Variants in ROBO1 observed in about 807,000 individuals in gnomAD.
ROBO1 encodes the protein roundabout guidance receptor 1, also known as roundabout homolog 1.
ROBO1 carries 149 observed loss-of-function variants against 195.9 expected under a neutral mutation model. That is an observed-to-expected ratio of 0.76 (90% CI 0.67 to 0.87). The LOEUF (loss-of-function observed/expected upper bound fraction) is 0.87. ROBO1 is among the 40% of genes least tolerant of loss of function. The pLI is 0.00. For missense variants in ROBO1, 1,933 were observed against 2,068.3 expected, an observed-to-expected ratio of 0.93 and a Z score of 1.27; for synonymous variants, 816 against 733.2, an observed-to-expected ratio of 1.11 and a Z score of -1.82.
At chr3:79,237,813 C>A (rs2082440612) in intron 2 of ROBO1, among the ~76,000 whole-genome samples, 1 of 152,092 alleles carries the variant, frequency 6.6e-6, no homozygotes, top group African/African-American at 2.4e-5. Context: ...AGCCAAAGCT[C>A]TTGGATCCAA....
intron 3 of ROBO1, among the ~76,000 whole-genome samples, chr3:78,979,368 C>A (rs940286664): frequency 1.3e-5 from 2 of 152,156 alleles, no homozygotes; most frequent in Non-Finnish European, 2.9e-5. Context: ...GCTCTTCCTG[C>A]CGTTACAACC....
At chr3:79,308,942 AG>A (rs1275313144) in intron 2 of ROBO1, among the ~76,000 whole-genome samples, 1 of 152,196 alleles carries the variant, frequency 6.6e-6, no homozygotes, top group Admixed American at 6.5e-5. Flanking sequence ...CATTTTAGAG[AG>A]GAACAATGTT....
In ROBO1 at chr3:79,522,123, C is replaced by T. The variant is rs114217486; in HGVS notation, c.88+67701G>A. Among the ~76,000 whole-genome samples the T allele has an allele frequency of 4.0e-3, 607 of 152,146 alleles. 2 individuals are homozygous for T. Among genetic ancestry groups the T allele is most frequent in the African/African-American group, 0.014 (576 of 41,518 alleles). ...TTAGTGTATCTGTGGCTGTGCAACT[C>T]CAAAGAAATCATATTTGATAATTGT... On this transcript the variant is annotated intron_variant, in intron 2 of 30. Coordinates refer to ENST00000464233, the MANE Select transcript of ROBO1 (RefSeq NM_002941.4).
At chr3:78,606,580 C>G (rs184056771) in intron 29 of ROBO1, among the ~76,000 whole-genome samples, 153 bp downstream of exon 29, 1 of 152,260 alleles carries the variant, frequency 6.6e-6, no homozygotes, top group African/African-American at 2.4e-5. Flanking sequence ...CTGGAGTGAA[C>G]TGTATTAAAA....
At chr3:79,323,057 A>T (rs569035577) in intron 2 of ROBO1, among the ~76,000 whole-genome samples, 182 of 150,558 alleles carry the variant, frequency 1.2e-3, no homozygotes, top group Middle Eastern at 3.5e-3. Flanking sequence ...AAATGCTTAC[A>T]TGCTTCAAAT....
chr3:78,833,336 C>T (rs541659382), intron 4 of ROBO1, among the ~76,000 whole-genome samples: 24 of 152,198 alleles, frequency 1.6e-4, no homozygotes, highest in African/African-American at 5.5e-4. Context: ...AGGATTATTT[C>T]GTTTTTAGCT....
intron 2 of ROBO1, among the ~76,000 whole-genome samples, chr3:79,403,085 C>T (rs2037422949): frequency 6.6e-6 from 1 of 152,016 alleles, no homozygotes; most frequent in South Asian, 2.1e-4. Flanking sequence ...CTCTCTTAAT[C>T]CACTTCTCAA....
intron 2 of ROBO1, among the ~76,000 whole-genome samples, chr3:79,513,679 A>G (rs903891703): frequency 1.4e-5 from 2 of 144,976 alleles, no homozygotes; most frequent in Non-Finnish European, 3.0e-5. Flanking sequence ...CATTGAAGAA[A>G]AGTTAATAAA....
rs1559710523 is a variant in ROBO1, at chr3:78,661,162, TC to T, written c.2187del (p.Thr730ArgfsTer8). 1 of 1,613,794 alleles carries T rather than the reference TC, an allele frequency of 6.2e-7. No homozygotes were observed. Among genetic ancestry groups the T allele is most frequent in the Non-Finnish European group, 8.5e-7 (1 of 1,179,818 alleles). On this transcript the variant is annotated frameshift_variant, in exon 16 of 31. Coordinates refer to ENST00000464233, the MANE Select transcript of ROBO1 (RefSeq NM_002941.4). LOFTEE classifies it high-confidence loss of function. ...ATTACCACACTGTTTTTGGCTGGCG[TC>T]CTCACTTCAAAAACTAACCAGTCTG... ...GESDWLVFEVRTPAKNSVVIP... is the reference protein window; with the variant it reads ...GESDWLVFEVXTPAKNSVVIP...
At chr3:79,443,645 T>A (rs1227421065) in intron 2 of ROBO1, among the ~76,000 whole-genome samples, 1 of 152,174 alleles carries the variant, frequency 6.6e-6, no homozygotes, top group Non-Finnish European at 1.5e-5. Flanking sequence ...ACAATATCAA[T>A]GAAAACCCCG....
chr3:78,727,354 C>T (rs973546388), intron 5 of ROBO1, among the ~76,000 whole-genome samples: 66 of 152,234 alleles, frequency 4.3e-4, no homozygotes, highest in African/African-American at 1.5e-3. Context: ...CGGCCGGGCG[C>T]GGTGGCTCAT....
chr3:79,118,527 G>T (rs1232222489), intron 3 of ROBO1, among the ~76,000 whole-genome samples: 1 of 152,028 alleles, frequency 6.6e-6, no homozygotes, highest in Non-Finnish European at 1.5e-5. Context: ...GTGTTTCTGA[G>T]TGTGTTTACT....
At chr3:79,105,411 A>C (rs2079759597) in intron 3 of ROBO1, among the ~76,000 whole-genome samples, 3 of 151,720 alleles carry the variant, frequency 2.0e-5, no homozygotes, top group Non-Finnish European at 3.0e-5. Context: ...ATATAATACG[A>C]TTGTACACCT....
At chr3:78,942,098 C>T (rs898131169) in intron 3 of ROBO1, among the ~76,000 whole-genome samples, 1 of 151,984 alleles carries the variant, frequency 6.6e-6, no homozygotes, top group African/African-American at 2.4e-5. Context: ...CCTAGGAGTT[C>T]AAGACCAGCC....
rs1394247494 is a variant in ROBO1 at position 79,550,168 on chromosome 3, G to GAAAGAAAGA, written c.88+39655_88+39656insTCTTTCTTT. 3.5e-4 allele frequency among the ~76,000 whole-genome samples: 34 copies of GAAAGAAAGA among 96,908 alleles called. 3 individuals carry two copies. Among genetic ancestry groups the GAAAGAAAGA allele is most frequent in the South Asian group, 1.4e-3 (4 of 2,952 alleles). The allele number at this position is 96,908 out of a possible 152,430, so 63.6% of individuals were successfully genotyped here. The stretch of plus-strand genomic sequence containing the variant: ...AAAAGAAAGGAAGAAAGAAAGAAAG[G>GAAAGAAAGA]AAGAAAGAAAGAAAGAAAGAAAGAA... On this transcript the variant is annotated intron_variant, in intron 2 of 30. Transcript: ENST00000464233.
intron 2 of ROBO1, among the ~76,000 whole-genome samples, chr3:79,403,290 C>T (rs2037430738): frequency 6.6e-6 from 1 of 151,932 alleles, no homozygotes; most frequent in Non-Finnish European, 1.5e-5. Flanking sequence ...ATTAATTAAA[C>T]AACAGCAAAC....
At chr3:79,706,135 C>T (rs766133410) in intron 1 of ROBO1, among the ~76,000 whole-genome samples, 8 of 151,926 alleles carry the variant, frequency 5.3e-5, no homozygotes, top group Non-Finnish European at 8.8e-5. Flanking sequence ...ATCAGCACAC[C>T]TTTCATTTTA....
chr3:79,350,994 A>G (rs2035319346), intron 2 of ROBO1, among the ~76,000 whole-genome samples: 1 of 152,074 alleles, frequency 6.6e-6, no homozygotes, highest in South Asian at 2.1e-4. Context: ...TGCACCCAGG[A>G]GGATTTCTTT....
At chr3:79,277,356 G>A (rs1218735676) in intron 2 of ROBO1, among the ~76,000 whole-genome samples, 1 of 152,010 alleles carries the variant, frequency 6.6e-6, no homozygotes, top group Non-Finnish European at 1.5e-5. Flanking sequence ...GCTAAGTGAA[G>A]TAAGCCAGGC....
Sources: allele counts gnomAD v4.1 joint callset (sites outside exome capture counted in the v4.1 genomes callset), GRCh38; gene constraint gnomAD v4.1.1; transcripts MANE v1.5; gene names NCBI Gene and HGNC (gene_info 2026-07-23, HGNC 2026-07-21).